The following KLF12 variants were observed in gnomAD, a reference collection of about 807,000 sequenced individuals.
KLF12 encodes the protein Krueppel-like factor 12.
In KLF12, 9 loss-of-function variants were observed where a neutral mutation model predicts 37.8. The ratio of observed to expected loss-of-function variants is 0.24; its 90% CI spans 0.14 to 0.42. KLF12 has a LOEUF of 0.42. Among genes scored for constraint, KLF12 ranks in the 10% least tolerant of loss-of-function variants. The pLI is 1.00. For missense variants in KLF12, 411 were observed against 516.0 expected (o/e 0.80, Z 1.97); for synonymous variants, 208 against 202.1 (o/e 1.03, Z -0.25).
intron 3 of KLF12, among the ~76,000 whole-genome samples, chr13:73,879,404 A>T (rs74095875): frequency 0.14 from 21,110 of 152,174 alleles, 2,225 homozygotes; most frequent in African/African-American, 0.3. Flanking sequence ...GTGACATAAA[A>T]TTTGAGTCAC....
At chr13:73,699,147 G>C (rs1874356041) in intron 7 of KLF12, among the ~76,000 whole-genome samples, 1 of 151,766 alleles carries the variant, frequency 6.6e-6, no homozygotes, top group African/African-American at 2.4e-5. Context: ...TCCCACTTGA[G>C]GCCAGGAGTT....
chr13:74,199,339 G>A, the KLF12 span, among the ~76,000 whole-genome samples: 1 of 152,178 alleles, frequency 6.6e-6, no homozygotes, highest in Non-Finnish European at 1.5e-5. Context: ...CAGTCACATT[G>A]TTCTCATTAC....
chr13:73,959,124 C>CAAAAAAAA (rs66521656), intron 2 of KLF12, among the ~76,000 whole-genome samples: 21 of 86,898 alleles, frequency 2.4e-4, no homozygotes, highest in African/African-American at 6.6e-4. Context: ...ACCCCCCTTC[C>CAAAAAAAA]AAAAAAAAAC....
the KLF12 span, among the ~76,000 whole-genome samples, chr13:74,199,012 T>C: frequency 6.6e-6 from 1 of 152,162 alleles, no homozygotes; most frequent in Non-Finnish European, 1.5e-5. Context: ...AAGCTCACAG[T>C]GCCAGTGAGA....
At chr13:74,218,601 G>A in the KLF12 span, among the ~76,000 whole-genome samples, 1 of 152,148 alleles carries the variant, frequency 6.6e-6, no homozygotes. Flanking sequence ...AAACTTGAAA[G>A]CCTGGCTCCT....
chr13:73,731,400 G>A (rs757169757), intron 6 of KLF12, among the ~76,000 whole-genome samples: 2 of 151,826 alleles, frequency 1.3e-5, no homozygotes, highest in African/African-American at 2.4e-5. Flanking sequence ...TAGGTAATAA[G>A]GAAGTATTTC....
At chr13:74,240,034 A>C in the KLF12 span, among the ~76,000 whole-genome samples, 1 of 150,242 alleles carries the variant, frequency 6.7e-6, no homozygotes, top group East Asian at 2.0e-4. Context: ...GTTTCTTCCT[A>C]GTCTCGATGG....
chr13:74,024,521 G>A (rs539054429), intron 1 of KLF12, among the ~76,000 whole-genome samples: 18 of 152,294 alleles, frequency 1.2e-4, no homozygotes, highest in African/African-American at 3.6e-4. Context: ...GACCACTGCC[G>A]AGAGAGGGCA....
chr13:73,919,829 C>T (rs1442207976), intron 3 of KLF12, among the ~76,000 whole-genome samples: 1 of 152,224 alleles, frequency 6.6e-6, no homozygotes, highest in East Asian at 1.9e-4. Flanking sequence ...GGTTGCCCTG[C>T]AACCCACTTG....
At chr13:74,218,240 GT>G in the KLF12 span, among the ~76,000 whole-genome samples, 3 of 152,116 alleles carry the variant, frequency 2.0e-5, no homozygotes, top group Non-Finnish European at 4.4e-5. Context: ...ATCTCTTGAG[GT>G]TTTATTATTA....
At chr13:74,075,888 C>T (rs1694112699) in intron 1 of KLF12, among the ~76,000 whole-genome samples, 1 of 152,122 alleles carries the variant, frequency 6.6e-6, no homozygotes, top group South Asian at 2.1e-4. Flanking sequence ...GAAATAATTA[C>T]AGTGTAATTA....
At chr13:74,069,189 T>A (rs1352209225) in intron 1 of KLF12, among the ~76,000 whole-genome samples, 1 of 152,168 alleles carries the variant, frequency 6.6e-6, no homozygotes, top group Non-Finnish European at 1.5e-5. Flanking sequence ...TGGCTCTTTT[T>A]CCCCAACCAA....
intron 2 of KLF12, among the ~76,000 whole-genome samples, chr13:73,994,594 A>G (rs1172110634): frequency 1.3e-5 from 2 of 152,138 alleles, no homozygotes; most frequent in Non-Finnish European, 2.9e-5. Flanking sequence ...TTTGACAGCA[A>G]TCATGCACCA....
intron 1 of KLF12, among the ~76,000 whole-genome samples, chr13:74,024,875 C>T (rs1348587425): frequency 1.3e-5 from 2 of 152,170 alleles, no homozygotes. Context: ...TGATACTCTA[C>T]AGAAACCACC....
chr13:74,151,338 T>G, the KLF12 span, among the ~76,000 whole-genome samples: 1 of 152,258 alleles, frequency 6.6e-6, no homozygotes, highest in Admixed American at 6.5e-5. Context: ...GGATAAAAGC[T>G]GTACAAGCCT....
At chr13:73,807,134 C>A (rs935714588) in intron 5 of KLF12, among the ~76,000 whole-genome samples, 2 of 151,902 alleles carry the variant, frequency 1.3e-5, no homozygotes, top group African/African-American at 2.4e-5. Context: ...ATGGTAAAAC[C>A]CCGTCTCTAC....
the KLF12 span, among the ~76,000 whole-genome samples, chr13:74,214,803 T>A: frequency 6.7e-6 from 1 of 149,408 alleles, no homozygotes; most frequent in Non-Finnish European, 1.5e-5. Flanking sequence ...CCTTTAACCA[T>A]TTTTTTTTTG....
chr13:74,273,328 T>C, the KLF12 span, among the ~76,000 whole-genome samples: 12 of 152,116 alleles, frequency 7.9e-5, no homozygotes. Context: ...ATATAAGCAA[T>C]TTATATTCTT....
chr13:73,725,837 T>G (rs1594012368), intron 6 of KLF12, among the ~76,000 whole-genome samples: 1 of 8,054 alleles, frequency 1.2e-4, no homozygotes, highest in African/African-American at 6.3e-4. Flanking sequence ...CAAAATGTAT[T>G]TATTTATTTA....
Sources: gnomAD v4.1 joint callset for allele counts (sites outside exome capture counted in the v4.1 genomes callset) on GRCh38, gnomAD v4.1.1 for gene constraint, MANE v1.5 for transcripts, NCBI Gene and HGNC (gene_info 2026-07-23, HGNC 2026-07-21) for gene names.